The following CDYL2 variants were observed in gnomAD, a reference collection of about 807,000 sequenced individuals.
CDYL2 encodes the protein chromodomain Y-like protein 2.
A neutral mutation model predicts 49.4 loss-of-function variants in CDYL2; 23 were observed. The observed-to-expected ratio is 0.47, with a 90% CI of 0.34 to 0.66. CDYL2 has a LOEUF of 0.66. CDYL2 is among the 30% of genes least tolerant of loss of function. The probability of loss-of-function intolerance (pLI) is 0.01; values close to 1 mark genes in which losing one functional copy is unlikely to be tolerated. For synonymous variants in CDYL2, 360 were observed against 268.8 expected, an observed-to-expected ratio of 1.34 and a Z score of -3.32; for missense variants, 678 against 656.4, an observed-to-expected ratio of 1.03 and a Z score of -0.36.
chr16:80,804,623 C>T (rs1908044656), upstream of CDYL2, among the ~76,000 whole-genome samples: 1 of 145,482 alleles, frequency 6.9e-6, no homozygotes, highest in East Asian at 2.0e-4. Flanking sequence ...CCCCCGGGAG[C>T]CCGGCCCGGC....
chr16:80,721,312 A>T (rs1904991172), intron 1 of CDYL2, among the ~76,000 whole-genome samples: 1 of 152,182 alleles, frequency 6.6e-6, no homozygotes. Flanking sequence ...TACCTAAGAA[A>T]ACCGAGGCTC....
intron 2 of CDYL2, among the ~76,000 whole-genome samples, chr16:80,670,641 C>T (rs751405347): frequency 6.6e-6 from 1 of 152,134 alleles, no homozygotes; most frequent in Non-Finnish European, 1.5e-5. Context: ...CTCAGAGAAC[C>T]CCGGGGCTCC....
intron 2 of CDYL2, among the ~76,000 whole-genome samples, chr16:80,665,924 T>C (rs1009018058): frequency 1.3e-5 from 2 of 152,204 alleles, no homozygotes; most frequent in African/African-American, 2.4e-5. Flanking sequence ...TGCTGGCTTA[T>C]GCAACAGAAT....
Position 80,649,789 on chromosome 16 carries a change from T to C in CDYL2, c.617-16553A>G, listed in dbSNP as rs192228188. Among the ~76,000 whole-genome samples the C allele has an allele frequency of 3.6e-3, 549 of 152,108 alleles. 3 individuals are homozygous for C. Among genetic ancestry groups the C allele is most frequent in the African/African-American group, 0.013 (523 of 41,500 alleles). On this transcript the variant is annotated intron_variant, in intron 2 of 6. Coordinates refer to ENST00000570137, the MANE Select transcript of CDYL2 (RefSeq NM_152342.4). ...AGATACAGAGATGAATAGAACAGAA[T>C]AGAGAACCCAGAAACAAATCCACAC...
At position 80,684,736 on chromosome 16, in the gene CDYL2, T is replaced by C. The variant is rs756433507; in HGVS notation, c.418A>G (p.Thr140Ala). 2 of 1,614,038 alleles carry C rather than the reference T, an allele frequency of 1.2e-6. No homozygotes were observed. The highest frequency in any genetic ancestry group is 1.1e-5 in the South Asian group (1 of 91,062). The change falls in exon 2 of 7, where the codon ACC (threonine) becomes GCC (alanine). Residue 140 changes from threonine to alanine, a missense_variant. Coordinates refer to ENST00000570137, the MANE Select transcript of CDYL2 (RefSeq NM_152342.4). ...RATKTVSYRT[T>A]PSGLQIMPLK... ...GGCATTATTTGCAAACCACTGGGGG[T>C]AGTCCTGTAAGACACCGTCTTGGTG...
chr16:80,620,885 G>T lies in CDYL2; in HGVS notation c.885C>A (p.Ser295Arg). ...CCACTGCGCTGAGGAGCAGCAGTTT[G>T]CTGTCGTCTGTGGCTGCGTTGCAGA... ...RALCNAATDD[S>R]KLLLLSAVGS... The change falls in exon 4 of 7, where the codon AGC becomes AGA. Residue 295 changes from serine to arginine, a missense_variant. Around this residue, in one of 3 missense-constraint regions of CDYL2, gnomAD observed 478 missense variants for 427.0 expected, o/e 1.12. Transcript: ENST00000570137. 6.2e-7 allele frequency: 1 copy of T among 1,611,442 alleles called. No homozygotes were observed. The highest frequency in any genetic ancestry group is 8.5e-7 in the Non-Finnish European group (1 of 1,178,066).
intron 1 of CDYL2, among the ~76,000 whole-genome samples, chr16:80,725,549 C>T (rs948095929): frequency 6.6e-5 from 10 of 152,180 alleles, no homozygotes; most frequent in African/African-American, 1.4e-4. Flanking sequence ...AAATCTCATC[C>T]TACAGTCTAC....
chr16:80,763,654 G>T (rs1328147666), intron 1 of CDYL2, among the ~76,000 whole-genome samples: 1 of 151,988 alleles, frequency 6.6e-6, no homozygotes, highest in Non-Finnish European at 1.5e-5. Flanking sequence ...CATCAGAAAG[G>T]GTAAAACAAA....
chr16:80,654,449 T>C (rs1908719090), intron 2 of CDYL2, among the ~76,000 whole-genome samples: 1 of 152,206 alleles, frequency 6.6e-6, no homozygotes, highest in Non-Finnish European at 1.5e-5. Context: ...CACAACACCA[T>C]TCTGGTAATA....
At position 80,684,530 on chromosome 16, in the gene CDYL2, C is replaced by G. The variant is rs1306910098; in HGVS notation, c.616+8G>C. 6.2e-7 allele frequency: 1 copy of G among 1,606,454 alleles called. No individual in the cohort carries two copies. Among genetic ancestry groups the G allele is most frequent in the Non-Finnish European group, 8.5e-7 (1 of 1,175,376 alleles). ...GAGCCAAACCCAAGAGAAAGAAAAGCTACAAACCGAGCCCGTTCTCCGCCA... is the reference window on the plus strand; with the variant it reads ...GAGCCAAACCCAAGAGAAAGAAAAGGTACAAACCGAGCCCGTTCTCCGCCA... On this transcript the variant is annotated splice_region_variant and intron_variant, in intron 2 of 6. Coordinates refer to ENST00000570137, the MANE Select transcript of CDYL2 (RefSeq NM_152342.4).
chr16:80,798,906 ATTAG>A (rs1474416388), intron 1 of CDYL2, among the ~76,000 whole-genome samples: 3 of 152,120 alleles, frequency 2.0e-5, no homozygotes, highest in Non-Finnish European at 4.4e-5. Context: ...ATAACAGGGG[ATTAG>A]TTATAGAAAA....
At chr16:80,605,944 G>A (rs4517811) in intron 6 of CDYL2, among the ~76,000 whole-genome samples, 37,411 of 152,096 alleles carry the variant, frequency 0.25, 5,095 homozygotes, top group African/African-American at 0.36. Context: ...CATGGGTAGA[G>A]GGAGCAGGAA....
At chr16:80,715,702 A>AGGCTT (rs1350942822) in intron 1 of CDYL2, among the ~76,000 whole-genome samples, 1 of 152,080 alleles carries the variant, frequency 6.6e-6, no homozygotes, top group African/African-American at 2.4e-5. Flanking sequence ...AGAACATGTA[A>AGGCTT]AACCCTTAAA....
Position 80,642,096 on chromosome 16 carries a change from G to C in CDYL2, c.617-8860C>G, listed in dbSNP as rs562502166. Among the ~76,000 whole-genome samples, 4 of 152,196 alleles carry C rather than the reference G, an allele frequency of 2.6e-5. No homozygotes were observed. The South Asian group carries it at 8.3e-4, about 32-fold the overall frequency. On this transcript the variant is annotated intron_variant, in intron 2 of 6. Coordinates refer to ENST00000570137, the MANE Select transcript of CDYL2 (RefSeq NM_152342.4). Reference sequence around the variant, plus strand: ...AACTCTTCAAGACATAGTACAATAAGATATAAATAGAAACAGAAGTTGAAA... The same window carrying C: ...AACTCTTCAAGACATAGTACAATAACATATAAATAGAAACAGAAGTTGAAA...
At chr16:80,712,683 G>T (rs555728630) in intron 1 of CDYL2, among the ~76,000 whole-genome samples, 8 of 152,070 alleles carry the variant, frequency 5.3e-5, no homozygotes, top group Non-Finnish European at 7.4e-5. Flanking sequence ...GGTGCCTATG[G>T]GTAACACAGC....
intron 2 of CDYL2, among the ~76,000 whole-genome samples, chr16:80,661,113 G>C (rs138450433): frequency 6.6e-6 from 1 of 152,124 alleles, no homozygotes; most frequent in Non-Finnish European, 1.5e-5. Context: ...CCATGTCCAA[G>C]TTCTCCACCA....
intron 1 of CDYL2, among the ~76,000 whole-genome samples, chr16:80,724,745 C>T (rs1042020674): frequency 6.6e-6 from 1 of 152,208 alleles, no homozygotes; most frequent in African/African-American, 2.4e-5. Flanking sequence ...ATGACACTAA[C>T]ACTGTGAATT....
intron 6 of CDYL2, among the ~76,000 whole-genome samples, chr16:80,605,387 A>AT (rs1487964561): frequency 6.7e-6 from 1 of 148,264 alleles, no homozygotes; most frequent in Non-Finnish European, 1.5e-5. Flanking sequence ...ATAATTATGT[A>AT]TATGTATTAT....
chr16:80,786,989 A>G (rs1466699898), intron 1 of CDYL2, among the ~76,000 whole-genome samples: 1 of 152,122 alleles, frequency 6.6e-6, no homozygotes, highest in African/African-American at 2.4e-5. Flanking sequence ...TGATGGGTGC[A>G]GCAAACCACC....
Sources: allele counts gnomAD v4.1 joint callset (sites outside exome capture counted in the v4.1 genomes callset), GRCh38; gene constraint gnomAD v4.1.1; regional missense constraint gnomAD v4.1.1; transcripts MANE v1.5; gene names NCBI Gene and HGNC (gene_info 2026-07-23, HGNC 2026-07-21).